Variants in BACH2 observed in about 807,000 individuals in gnomAD.
BACH2 encodes the protein BACH transcriptional regulator 2.
Under a neutral mutation model 61.8 loss-of-function variants are expected in BACH2, and 5 were observed. The ratio of observed to expected loss-of-function variants is 0.08; its 90% CI spans 0.04 to 0.17. The LOEUF (loss-of-function observed/expected upper bound fraction) is 0.17. Among genes scored for constraint, BACH2 ranks in the 10% least tolerant of loss-of-function variants. The probability of loss-of-function intolerance (pLI) is 1.00; values close to 1 mark genes in which losing one functional copy is unlikely to be tolerated. For synonymous variants in BACH2, 446 were observed against 440.1 expected, an observed-to-expected ratio of 1.01 and a Z score of -0.17; for missense variants, 824 against 1,091.1, an observed-to-expected ratio of 0.76 and a Z score of 3.45.
intron 7 of BACH2, among the ~76,000 whole-genome samples, chr6:89,939,687 C>G (rs1773293282): frequency 1.0e-5 from 1 of 99,762 alleles, no homozygotes; most frequent in Non-Finnish European, 1.9e-5. Flanking sequence ...TTTTTTGAGA[C>G]AGGGTCTTGC....
Position 89,998,864 on chromosome 6 carries a change from C to T in BACH2, c.243+9738G>A, listed in dbSNP as rs570276260. Among the ~76,000 whole-genome samples, 31 of 152,256 alleles carry T rather than the reference C, an allele frequency of 2.0e-4. No homozygotes were observed. The South Asian group carries it at 6.2e-3, about 31-fold the overall frequency. Reference sequence around the variant, plus strand: ...AGCTGTCTGCTTTTATAACTGCACACCCACCAGAAATGTCATGAACACCCC... The same window carrying T: ...AGCTGTCTGCTTTTATAACTGCACATCCACCAGAAATGTCATGAACACCCC... On this transcript the variant is annotated intron_variant, in intron 6 of 8. Coordinates refer to ENST00000257749, the MANE Select transcript of BACH2 (RefSeq NM_021813.4).
At chr6:89,999,833 G>A (rs1182096691) in intron 6 of BACH2, among the ~76,000 whole-genome samples, 1 of 152,204 alleles carries the variant, frequency 6.6e-6, no homozygotes, top group Non-Finnish European at 1.5e-5. Context: ...CAGAGGCCTT[G>A]TCATAAATCT....
At chr6:89,978,428 A>T (rs780749596) in intron 6 of BACH2, among the ~76,000 whole-genome samples, 1 of 152,206 alleles carries the variant, frequency 6.6e-6, no homozygotes, top group Non-Finnish European at 1.5e-5. Context: ...AATGAATGCA[A>T]ATAAGTCCAG....
At chr6:90,028,401 C>CT (rs1778750529) in intron 5 of BACH2, among the ~76,000 whole-genome samples, 1 of 152,230 alleles carries the variant, frequency 6.6e-6, no homozygotes, top group Non-Finnish European at 1.5e-5. Flanking sequence ...AAAGTGCGTG[C>CT]TTTGGATACT....
At chr6:90,039,673 T>A (rs1278990611) in intron 5 of BACH2, among the ~76,000 whole-genome samples, 4 of 152,196 alleles carry the variant, frequency 2.6e-5, no homozygotes, top group Non-Finnish European at 5.9e-5. Context: ...CATAAGCCAC[T>A]GCGCCTGGCC....
At chr6:90,239,937 T>C (rs1193842661) in intron 3 of BACH2, among the ~76,000 whole-genome samples, 2 of 151,504 alleles carry the variant, frequency 1.3e-5, no homozygotes, top group Non-Finnish European at 2.9e-5. Flanking sequence ...AACGAACACA[T>C]GAATCAACCC....
At chr6:90,274,692 C>T (rs762425168) in intron 1 of BACH2, among the ~76,000 whole-genome samples, 2 of 152,180 alleles carry the variant, frequency 1.3e-5, no homozygotes, top group African/African-American at 4.8e-5. Flanking sequence ...AAAAGTATAT[C>T]AGAAGCATCA....
At chr6:89,934,285 G>A (rs1321124980) in intron 8 of BACH2, among the ~76,000 whole-genome samples, 1 of 152,216 alleles carries the variant, frequency 6.6e-6, no homozygotes, top group East Asian at 1.9e-4. Flanking sequence ...ACATGCTCCT[G>A]TGTTACTGAA....
intron 3 of BACH2, among the ~76,000 whole-genome samples, chr6:90,232,117 G>A (rs1231862404): frequency 6.6e-6 from 1 of 152,180 alleles, no homozygotes; most frequent in Non-Finnish European, 1.5e-5. Context: ...ACTTATTACT[G>A]AAATCCAGAT....
At chr6:89,937,155 A>G (rs1308996835) in intron 8 of BACH2, among the ~76,000 whole-genome samples, 1 of 152,142 alleles carries the variant, frequency 6.6e-6, no homozygotes, top group Non-Finnish European at 1.5e-5. Flanking sequence ...TCTCAGGCAC[A>G]GGGATGGCGA....
intron 3 of BACH2, among the ~76,000 whole-genome samples, chr6:90,207,880 C>T (rs1484884406): frequency 6.6e-6 from 1 of 152,162 alleles, no homozygotes; most frequent in Non-Finnish European, 1.5e-5. Context: ...TAACATCTTT[C>T]ACTGCTAAGA....
chr6:89,962,068 TTC>T (rs1774774670), intron 6 of BACH2, among the ~76,000 whole-genome samples: 1 of 152,174 alleles, frequency 6.6e-6, no homozygotes, highest in African/African-American at 2.4e-5. Flanking sequence ...ATCCACTTTC[TTC>T]TCTTTGTTTT....
At chr6:90,023,845 C>A (rs1426627875) in intron 5 of BACH2, among the ~76,000 whole-genome samples, 1 of 152,174 alleles carries the variant, frequency 6.6e-6, no homozygotes. Flanking sequence ...ATGCTGGCAT[C>A]CTGATCTTAG....
chr6:90,211,834 C>T lies in BACH2; in HGVS notation c.-274-5153G>A, dbSNP rs370275565. Among the ~76,000 whole-genome samples the T allele has an allele frequency of 1.3e-4, 20 of 152,272 alleles. 2 individuals carry two copies. In the South Asian group the frequency reaches 3.5e-3, roughly 27 times the overall value. The stretch of plus-strand genomic sequence containing the variant: ...CAACAAGAGCAAGCAGGTCACTCTT[C>T]GCAGTGTTAAAGGTCTCACTAGCTT... On this transcript the variant is annotated intron_variant, in intron 3 of 8. Transcript: ENST00000257749.
At chr6:90,108,707 C>G (rs1012382486) in intron 4 of BACH2, among the ~76,000 whole-genome samples, 1 of 152,240 alleles carries the variant, frequency 6.6e-6, no homozygotes, top group African/African-American at 2.4e-5. Context: ...GAATGTCTAT[C>G]ATTGCTCTAG....
Position 89,928,548 on chromosome 6 carries a change from T to C in BACH2, c.*3860A>G, listed in dbSNP as rs1772469143. The C allele has an allele frequency of 6.5e-6, 1 of 152,708 alleles. No homozygotes were observed. The highest frequency in any genetic ancestry group is 2.4e-5 in the African/African-American group (1 of 41,470). The allele number at this position is 152,708 out of a possible 1,614,324, so 9.5% of individuals were successfully genotyped here. ...GACAACAGCATTAAACTTCACACTG[T>C]GCACACTTCACTTTAGCCAGTCCTC... On this transcript the variant is annotated 3_prime_UTR_variant, in exon 9 of 9. Transcript: ENST00000257749.
At chr6:90,284,490 T>C (rs1297488523) in intron 1 of BACH2, among the ~76,000 whole-genome samples, 1 of 152,186 alleles carries the variant, frequency 6.6e-6, no homozygotes, top group Admixed American at 6.5e-5. Flanking sequence ...GGGACGCAGC[T>C]CAGTGGATTG....
At chr6:90,002,118 T>G (rs1254149365) in intron 6 of BACH2, among the ~76,000 whole-genome samples, 1 of 152,228 alleles carries the variant, frequency 6.6e-6, no homozygotes, top group African/African-American at 2.4e-5. Flanking sequence ...ACCTAGTTGA[T>G]GGCTCTCTCC....
chr6:90,146,305 A>T (rs1230921568), intron 4 of BACH2, among the ~76,000 whole-genome samples: 1 of 152,214 alleles, frequency 6.6e-6, no homozygotes, highest in Non-Finnish European at 1.5e-5. Context: ...GACAAACCAC[A>T]TCTGTTAATT....
Sources: allele counts gnomAD v4.1 joint callset (sites outside exome capture counted in the v4.1 genomes callset), GRCh38; gene constraint gnomAD v4.1.1; transcripts MANE v1.5; gene names NCBI Gene and HGNC (gene_info 2026-07-23, HGNC 2026-07-21).